The following RPTOR variants were observed in gnomAD, a reference collection of about 807,000 sequenced individuals.
RPTOR encodes the protein regulatory associated protein of MTOR complex 1.
Under a neutral mutation model 169.9 loss-of-function variants are expected in RPTOR, and 21 were observed. The observed-to-expected ratio is 0.12, with a 90% CI of 0.09 to 0.18. The LOEUF (loss-of-function observed/expected upper bound fraction) is 0.18, where lower values mean the gene tolerates loss of function less well. Among genes scored for constraint, RPTOR ranks in the 10% least tolerant of loss-of-function variants. The probability of loss-of-function intolerance (pLI) is 1.00; values close to 1 mark genes in which losing one functional copy is unlikely to be tolerated. For missense variants in RPTOR, 1,133 were observed against 1,855.9 expected (o/e 0.61, Z 7.16); for synonymous variants, 732 against 753.2 (o/e 0.97, Z 0.46).
At chr17:80,688,150 A>G in intron 3 of RPTOR, among the ~76,000 whole-genome samples, 1 of 152,172 alleles carries the variant, frequency 6.6e-6, no homozygotes, top group South Asian at 2.1e-4. Flanking sequence ...ATTTATGAAC[A>G]CTCACGTAGC....
chr17:80,751,650 AC>A (rs1427322069), intron 5 of RPTOR, among the ~76,000 whole-genome samples: 1 of 152,194 alleles, frequency 6.6e-6, no homozygotes, highest in Non-Finnish European at 1.5e-5. Flanking sequence ...ATCGTCACTT[AC>A]AATATTCATT....
At chr17:80,857,211 C>T (rs2067862158) in intron 12 of RPTOR, among the ~76,000 whole-genome samples, 1 of 152,210 alleles carries the variant, frequency 6.6e-6, no homozygotes, top group African/African-American at 2.4e-5. Flanking sequence ...CTGAGAATGA[C>T]ATGGCCAGAA....
At position 80,545,625 on chromosome 17, in the gene RPTOR, C is replaced by G. The variant is rs1471200558; in HGVS notation, c.-5C>G. 1.2e-6 allele frequency: 2 copies of G among 1,608,270 alleles called. No individual in the cohort carries two copies. Among genetic ancestry groups the G allele is most frequent in the Admixed American group, 3.4e-5 (2 of 59,238 alleles). On this transcript the variant is annotated 5_prime_UTR_variant, in exon 1 of 34. Coordinates refer to ENST00000306801, the MANE Select transcript of RPTOR (RefSeq NM_020761.3). Reference sequence around the variant, plus strand: ...CCAAGGACTCCCCCACCCCCTCCCCCACTGATGGAGTCCGAAATGCTGCAA... The same window carrying G: ...CCAAGGACTCCCCCACCCCCTCCCCGACTGATGGAGTCCGAAATGCTGCAA...
chr17:80,611,053 G>A (rs1362275160), intron 1 of RPTOR, among the ~76,000 whole-genome samples: 1 of 152,048 alleles, frequency 6.6e-6, no homozygotes, highest in African/African-American at 2.4e-5. Context: ...GGAGTCTTGT[G>A]GTCAGTTTTG....
At chr17:80,593,796 C>T (rs1468702604) in intron 1 of RPTOR, 1 of 152,136 alleles carries the variant, frequency 6.6e-6, no homozygotes, top group African/African-American at 2.4e-5. Flanking sequence ...ATAAAAATGT[C>T]ATTCATGTTA....
chr17:80,893,843 C>T lies in RPTOR; in HGVS notation c.2379C>T (p.Tyr793=), dbSNP rs2143878598. The T allele has an allele frequency of 6.5e-7, 1 of 1,527,216 alleles. No homozygotes were observed. The highest frequency in any genetic ancestry group is 8.8e-7 in the Non-Finnish European group (1 of 1,135,284). The allele number at this position is 1,527,216 out of a possible 1,614,324, so 94.6% of individuals were successfully genotyped here. The part of the protein sequence containing the change: ...TIDKMRRASS[Y]SSLNSLIGVS... ...ACAAGATGCGCCGCGCCAGCTCCTA[C>T]TCCTCCCTCAACTCCCTCATCGGTG... The change falls in exon 20 of 34, where the codon TAC becomes TAT. Residue 793 remains tyrosine (Y), a synonymous_variant. Transcript: ENST00000306801.
At chr17:80,862,099 T>C (rs1320035965) in intron 13 of RPTOR, among the ~76,000 whole-genome samples, 1 of 152,184 alleles carries the variant, frequency 6.6e-6, no homozygotes, top group African/African-American at 2.4e-5. Flanking sequence ...TTATTATTCA[T>C]GCTGCTGAAG....
At chr17:80,606,452 A>C (rs2065230229) in intron 1 of RPTOR, among the ~76,000 whole-genome samples, 1 of 151,842 alleles carries the variant, frequency 6.6e-6, no homozygotes, top group Admixed American at 6.6e-5. Context: ...GGTACCAGTA[A>C]ACTTTTTAGG....
In RPTOR at chr17:80,823,303, G is replaced by A; in HGVS notation, c.1136+80G>A. 6.5e-7 allele frequency: 1 copy of A among 1,544,896 alleles called. No individual in the cohort carries two copies. Among genetic ancestry groups the A allele is most frequent in the Non-Finnish European group, 8.8e-7 (1 of 1,142,696 alleles). ...TGATGTCATGGAATTGCACGGAGCTGGGCAGGGAGGCCCCACACCTAACTT... is the reference window on the plus strand; with the variant it reads ...TGATGTCATGGAATTGCACGGAGCTAGGCAGGGAGGCCCCACACCTAACTT... On this transcript the variant is annotated intron_variant, in intron 9 of 33. Coordinates refer to ENST00000306801, the MANE Select transcript of RPTOR (RefSeq NM_020761.3). This position sits in a 1 kb window ranked among gnomAD's most constrained non-coding sequence, Gnocchi z 4.5.
intron 6 of RPTOR, among the ~76,000 whole-genome samples, chr17:80,785,883 G>A (rs2066985858): frequency 1.3e-5 from 2 of 152,170 alleles, no homozygotes; most frequent in African/African-American, 4.8e-5. Flanking sequence ...GAGAAGGGGG[G>A]ACTCTGCATG....
intron 1 of RPTOR, among the ~76,000 whole-genome samples, chr17:80,564,800 G>A (rs11649714): frequency 0.07 from 10,678 of 151,846 alleles, 474 homozygotes; most frequent in Non-Finnish European, 0.1. Context: ...CTTTGTGTTT[G>A]CATGTTCTCT....
At chr17:80,907,234 A>G (rs531892398) in intron 20 of RPTOR, among the ~76,000 whole-genome samples, 8 of 152,366 alleles carry the variant, frequency 5.3e-5, no homozygotes, top group Admixed American at 2.0e-4. Flanking sequence ...TTGAATCTCT[A>G]TTTAGTGAAC....
intron 9 of RPTOR, among the ~76,000 whole-genome samples, chr17:80,833,137 G>C (rs2067525210): frequency 6.6e-6 from 1 of 152,192 alleles, no homozygotes; most frequent in Non-Finnish European, 1.5e-5. Flanking sequence ...GATCAGCGCA[G>C]ATGGAGGCTG....
intron 11 of RPTOR, among the ~76,000 whole-genome samples, chr17:80,851,831 C>T (rs532985743): frequency 2.3e-4 from 35 of 152,372 alleles, no homozygotes; most frequent in Admixed American, 3.3e-4. Flanking sequence ...TAGACCTCTT[C>T]GCCCCGTCCT....
At chr17:80,794,798 G>C (rs1375295146) in intron 7 of RPTOR, among the ~76,000 whole-genome samples, 1 of 152,258 alleles carries the variant, frequency 6.6e-6, no homozygotes, top group African/African-American at 2.4e-5. Context: ...AGTGTCAGAA[G>C]CCCATCTCCA....
At chr17:80,700,700 G>GTGA (rs2066086683) in intron 3 of RPTOR, among the ~76,000 whole-genome samples, 1 of 71,610 alleles carries the variant, frequency 1.4e-5, no homozygotes, top group Non-Finnish European at 3.0e-5. Context: ...GATGGTGATG[G>GTGA]TGGTGGTGAT....
intron 5 of RPTOR, among the ~76,000 whole-genome samples, chr17:80,753,673 C>T (rs12953290): frequency 0.18 from 26,349 of 145,722 alleles, 2,774 homozygotes; most frequent in Non-Finnish European, 0.24. Flanking sequence ...TTAAAACAAA[C>T]CGTAAGACAC....
chr17:80,899,847 A>G (rs549246860), intron 20 of RPTOR, among the ~76,000 whole-genome samples: 2 of 152,322 alleles, frequency 1.3e-5, no homozygotes, highest in African/African-American at 4.8e-5. Context: ...AGGCCATAGA[A>G]AAACAAGGCT....
chr17:80,894,475 C>T (rs559664242), intron 20 of RPTOR, among the ~76,000 whole-genome samples: 15 of 152,334 alleles, frequency 9.8e-5, no homozygotes, highest in South Asian at 6.2e-4. Flanking sequence ...GGAAATCTGA[C>T]GGAAGGGTCA....
Sources: gnomAD v4.1 joint callset for allele counts (sites outside exome capture counted in the v4.1 genomes callset) on GRCh38, gnomAD v4.1.1 for gene constraint, Gnocchi (gnomAD v3.1) non-coding constraint, MANE v1.5 for transcripts, NCBI Gene and HGNC (gene_info 2026-07-23, HGNC 2026-07-21) for gene names.